Variants in TINAG observed in about 807,000 individuals in gnomAD.
The protein encoded by TINAG is tubulointerstitial nephritis antigen.
TINAG carries 83 observed loss-of-function variants against 72.7 expected under a neutral mutation model. That is an observed-to-expected ratio of 1.14 (90% CI 0.96 to 1.37). TINAG has a LOEUF of 1.37. Among genes scored for constraint, TINAG ranks in the 40% most tolerant of loss-of-function variants. The probability of loss-of-function intolerance (pLI) is 0.00; values close to 1 mark genes in which losing one functional copy is unlikely to be tolerated. For synonymous variants in TINAG, 234 were observed against 189.9 expected (o/e 1.23, Z -1.91); for missense variants, 685 against 576.6 (o/e 1.19, Z -1.93).
At position 54,337,860 on chromosome 6, in the gene TINAG, G is replaced by A. The variant is rs555216085; in HGVS notation, c.625-5366G>A. On this transcript the variant is annotated intron_variant, in intron 4 of 10. Coordinates refer to ENST00000259782, the MANE Select transcript of TINAG (RefSeq NM_014464.4). Reference sequence around the variant, plus strand: ...GAAGAGAGGCAGGGCCAGATGTTACGGTGGAGACTGTGTTTGTATATGTTT... The same window carrying A: ...GAAGAGAGGCAGGGCCAGATGTTACAGTGGAGACTGTGTTTGTATATGTTT... Among the ~76,000 whole-genome samples the A allele has an allele frequency of 5.9e-5, 9 of 152,242 alleles. No individual in the cohort carries two copies. In the South Asian group the frequency reaches 1.2e-3, roughly 21 times the overall value.
chr6:54,315,463 G>A (rs1396382), intron 1 of TINAG, among the ~76,000 whole-genome samples: 16,034 of 151,856 alleles, frequency 0.11, 961 homozygotes, highest in African/African-American at 0.16. Flanking sequence ...ACGGCCAAGA[G>A]TTTAAGACCA....
intron 1 of TINAG, among the ~76,000 whole-genome samples, chr6:54,309,352 C>A (rs1045298645): frequency 6.6e-6 from 1 of 152,142 alleles, no homozygotes; most frequent in African/African-American, 2.4e-5. Flanking sequence ...GATGCACTAG[C>A]ATTAGAAACT....
In TINAG at chr6:54,349,685, T is replaced by A. The variant is rs190434379; in HGVS notation, c.900-31T>A. 5.4e-4 allele frequency: 819 copies of A among 1,504,744 alleles called. 1 individual carries two copies. In the African/African-American group the frequency reaches 9.0e-3, roughly 17 times the overall value. 93.2% of individuals were successfully genotyped at this position (1,504,744 alleles called of 1,614,324 possible). A position where few individuals can be genotyped will look rare whatever the true frequency, so the allele number is the denominator to read the frequency against. ...GGATATTACGACATTCTCCTAAATATTACCTTTGCTTCTTTGCTTATTCCT... is the reference window on the plus strand; with the variant it reads ...GGATATTACGACATTCTCCTAAATAATACCTTTGCTTCTTTGCTTATTCCT... On this transcript the variant is annotated intron_variant, in intron 6 of 10. Coordinates refer to ENST00000259782, the MANE Select transcript of TINAG (RefSeq NM_014464.4).
intron 8 of TINAG, 134 bp downstream of exon 8, chr6:54,351,531 T>A (rs1785267091): frequency 1.4e-6 from 1 of 697,838 alleles, no homozygotes; most frequent in African/African-American, 1.8e-5. Context: ...CTTCAACAGT[T>A]CTAAAATGAG....
chr6:54,333,329 A>C (rs1784786475), intron 4 of TINAG, among the ~76,000 whole-genome samples: 1 of 152,218 alleles, frequency 6.6e-6, no homozygotes, highest in Admixed American at 6.5e-5. Flanking sequence ...GACATGGATG[A>C]AGCTGGAAAC....
chr6:54,319,019 T>C (rs2150934038), intron 1 of TINAG, among the ~76,000 whole-genome samples: 1 of 152,228 alleles, frequency 6.6e-6, no homozygotes, highest in East Asian at 1.9e-4. Context: ...GGCGGTCCCC[T>C]GACTTCAAAA....
chr6:54,336,882 T>A (rs1582715498), intron 4 of TINAG, among the ~76,000 whole-genome samples: 2 of 152,102 alleles, frequency 1.3e-5, no homozygotes, highest in East Asian at 3.9e-4. Context: ...TGAGTCAATC[T>A]CATAGCTAAC....
At chr6:54,343,051 T>C (rs1785035541) in intron 4 of TINAG, among the ~76,000 whole-genome samples, 175 bp from the exon 5 acceptor site, 1 of 152,204 alleles carries the variant, frequency 6.6e-6, no homozygotes, top group Admixed American at 6.5e-5. Context: ...CCATATTGAA[T>C]TGTCATTTTT....
intron 4 of TINAG, among the ~76,000 whole-genome samples, chr6:54,334,815 CTT>C (rs1784822270): frequency 6.6e-6 from 1 of 152,286 alleles, no homozygotes; most frequent in Non-Finnish European, 1.5e-5. Flanking sequence ...AGTAAAAAGA[CTT>C]TTAATCTCTC....
intron 9 of TINAG, among the ~76,000 whole-genome samples, chr6:54,363,698 A>AAAG (rs773857884): frequency 6.6e-5 from 10 of 151,532 alleles, no homozygotes; most frequent in Non-Finnish European, 1.3e-4. Context: ...CTACACAGAA[A>AAAG]AAGAAGACAG....
At chr6:54,346,206 T>A (rs1785117335) in intron 5 of TINAG, among the ~76,000 whole-genome samples, 1 of 152,050 alleles carries the variant, frequency 6.6e-6, no homozygotes, top group Admixed American at 6.6e-5. Context: ...TTGCTACTGG[T>A]TAATTAGTTT....
intron 9 of TINAG, among the ~76,000 whole-genome samples, chr6:54,373,838 C>T (rs1340659441): frequency 6.6e-6 from 1 of 152,094 alleles, no homozygotes; most frequent in African/African-American, 2.4e-5. Flanking sequence ...ATTTCTATTC[C>T]TAACATCAAA....
chr6:54,323,334 A>T (rs1341755529), intron 3 of TINAG, among the ~76,000 whole-genome samples: 1 of 152,204 alleles, frequency 6.6e-6, no homozygotes, highest in Non-Finnish European at 1.5e-5. Context: ...AGGGCAAAAA[A>T]GGGGGGAAGT....
intron 8 of TINAG, among the ~76,000 whole-genome samples, chr6:54,351,961 TAC>T (rs1162665695): frequency 6.6e-6 from 1 of 151,940 alleles, no homozygotes; most frequent in African/African-American, 2.4e-5. Flanking sequence ...AATGAAATCA[TAC>T]AGTTACTTGT....
intron 4 of TINAG, among the ~76,000 whole-genome samples, chr6:54,341,125 A>G (rs764588262): frequency 6.6e-6 from 1 of 152,174 alleles, no homozygotes; most frequent in African/African-American, 2.4e-5. Context: ...TTTTAAAGTG[A>G]TAAAATAACA....
Position 54,345,517 on chromosome 6 carries a change from T to C in TINAG, c.749-1850T>C, listed in dbSNP as rs534640183. 3.9e-4 allele frequency among the ~76,000 whole-genome samples: 59 copies of C among 152,242 alleles called. No individual in the cohort carries two copies. In the South Asian group the frequency reaches 0.011, roughly 29 times the overall value. On this transcript the variant is annotated intron_variant, in intron 5 of 10. Coordinates refer to ENST00000259782, the MANE Select transcript of TINAG (RefSeq NM_014464.4). ...GCTTCCAACTTCTGGATTACTGTTT[T>C]CTCTACACTATAAAAGTATTTTCTG...
intron 6 of TINAG, among the ~76,000 whole-genome samples, chr6:54,347,951 T>C (rs745463151): frequency 2.0e-5 from 3 of 152,086 alleles, no homozygotes; most frequent in Admixed American, 6.6e-5. Flanking sequence ...TTTACAGTTG[T>C]TTCAACTCAT....
chr6:54,380,438 A>G (rs1763912971), intron 9 of TINAG, 88 bp from the exon 10 acceptor site: 1 of 1,093,918 alleles, frequency 9.1e-7, no homozygotes, highest in African/African-American at 1.6e-5. Context: ...AGCACAAAAG[A>G]TGTAGGAATG....
chr6:54,366,603 GGA>G (rs112104486), intron 9 of TINAG, among the ~76,000 whole-genome samples: 38 of 147,506 alleles, frequency 2.6e-4, no homozygotes, highest in Non-Finnish European at 2.7e-4. Context: ...AGGGAGGGAG[GGA>G]GAGAGAGAGA....
Sources: gnomAD v4.1 joint callset for allele counts (sites outside exome capture counted in the v4.1 genomes callset) on GRCh38, gnomAD v4.1.1 for gene constraint, MANE v1.5 for transcripts, NCBI Gene and HGNC (gene_info 2026-07-23, HGNC 2026-07-21) for gene names.